BTF3L4: variants seen among roughly 807,000 people sequenced by gnomAD.
BTF3L4 encodes the protein transcription factor BTF3 homolog 4.
In BTF3L4, 6 loss-of-function variants were observed where a neutral mutation model predicts 16.8. The ratio of observed to expected loss-of-function variants is 0.36; its 90% CI spans 0.20 to 0.71. The LOEUF (loss-of-function observed/expected upper bound fraction) is 0.71, where lower values mean the gene tolerates loss of function less well. BTF3L4 is among the 30% of genes least tolerant of loss of function. The pLI, the probability that BTF3L4 is intolerant of heterozygous loss-of-function variation, is 0.58. For missense variants in BTF3L4, 92 were observed against 186.9 expected (o/e 0.49, Z 2.96); for synonymous variants, 39 against 59.8 (o/e 0.65, Z 1.60).
intron 2 of BTF3L4, 30 bp downstream of exon 2, chr1:52,059,931 A>T: frequency 6.3e-7 from 1 of 1,586,416 alleles, no homozygotes; most frequent in Non-Finnish European, 8.6e-7. Context: ...AATTGATAGG[A>T]GAATGTATGA....
intron 3 of BTF3L4, among the ~76,000 whole-genome samples, chr1:52,075,821 A>G (rs1329861442): frequency 1.3e-5 from 2 of 151,614 alleles, no homozygotes; most frequent in Non-Finnish European, 2.9e-5. Context: ...GCGCCACCAC[A>G]CCCAGCTAAT....
chr1:52,057,759 T>C (rs781330531), intron 1 of BTF3L4, among the ~76,000 whole-genome samples: 10 of 152,320 alleles, frequency 6.6e-5, no homozygotes, highest in Non-Finnish European at 1.0e-4. Context: ...TGCCTTGAGC[T>C]CTCAGTCTCC....
At chr1:52,086,644 G>C in intron 5 of BTF3L4, 68 bp from the exon 6 acceptor site, 2 of 954,584 alleles carry the variant, frequency 2.1e-6, no homozygotes, top group Non-Finnish European at 3.2e-6. Flanking sequence ...TTAGAAGTTA[G>C]GAGTTCCATT....
chr1:52,074,013 G>A (rs1686866634), intron 3 of BTF3L4, among the ~76,000 whole-genome samples: 1 of 151,626 alleles, frequency 6.6e-6, no homozygotes, highest in Non-Finnish European at 1.5e-5. Context: ...AGAAAAAAAT[G>A]TAATTCGCTG....
chr1:52,067,841 C>G (rs1430685397), intron 3 of BTF3L4, among the ~76,000 whole-genome samples: 1 of 152,170 alleles, frequency 6.6e-6, no homozygotes, highest in African/African-American at 2.4e-5. Context: ...CTGTGCATTA[C>G]AGGATATTTA....
chr1:52,080,836 C>CTTTT (rs34697464), intron 3 of BTF3L4, among the ~76,000 whole-genome samples: 10 of 83,586 alleles, frequency 1.2e-4, no homozygotes, highest in African/African-American at 1.8e-4. Flanking sequence ...GCTCGGCCTT[C>CTTTT]TTTTTTTTTT....
rs756995696 is a variant in BTF3L4 at position 52,059,947 on chromosome 1, A to T, written c.54+46A>T. ...ATTGATAGGAGAATGTATGATTACC[A>T]GATAGTGTTATTATTTCGGATTTGT... On this transcript the variant is annotated intron_variant, in intron 2 of 5. Transcript: ENST00000313334. 3 of 1,531,712 alleles carry T rather than the reference A, an allele frequency of 2.0e-6. 1 individual carries two copies. The South Asian group carries it at 3.5e-5, about 18-fold the overall frequency. The allele number at this position is 1,531,712 out of a possible 1,614,324, so 94.9% of individuals were successfully genotyped here. A position where few individuals can be genotyped will look rare whatever the true frequency, so the allele number is the denominator to read the frequency against.
At position 52,086,152 on chromosome 1, in the gene BTF3L4, G is replaced by A. The variant is rs1643971552; in HGVS notation, c.411G>A (p.Glu137=). 6.2e-7 allele frequency: 1 copy of A among 1,610,878 alleles called. No homozygotes were observed. The highest frequency in any genetic ancestry group is 1.7e-5 in the Admixed American group (1 of 59,536). ...CACCAAAACCAGAAGACATTGATGAGGAAGATGATGATGTTCCAGGTAAGT... is the reference window on the plus strand; with the variant it reads ...CACCAAAACCAGAAGACATTGATGAAGAAGATGATGATGTTCCAGGTAAGT... ...SKAPKPEDID[E]EDDDVPDLVE... Residue 137 remains glutamate (E), a synonymous_variant, in exon 5 of 6, where the codon GAG becomes GAA. Coordinates refer to ENST00000313334, the MANE Select transcript of BTF3L4 (RefSeq NM_152265.5).
At chr1:52,065,810 G>A (rs1048868741) in intron 3 of BTF3L4, among the ~76,000 whole-genome samples, 3 of 152,068 alleles carry the variant, frequency 2.0e-5, no homozygotes, top group African/African-American at 7.2e-5. Context: ...GGCCTAGGCA[G>A]GCAGATCATC....
At chr1:52,079,381 C>CA (rs11441352) in intron 3 of BTF3L4, among the ~76,000 whole-genome samples, 110,377 of 126,260 alleles carry the variant, frequency 0.87, 48,738 homozygotes, top group Non-Finnish European at 0.95. Flanking sequence ...GACTCCATCT[C>CA]AAAAAAAAAA....
intron 2 of BTF3L4, chr1:52,060,777 C>T (rs908608758): frequency 1.6e-5 from 4 of 246,104 alleles, no homozygotes; most frequent in Non-Finnish European, 2.7e-5. Context: ...GTACTTTCTC[C>T]TTCTCCCACA....
At chr1:52,079,565 G>A (rs190685735) in intron 3 of BTF3L4, among the ~76,000 whole-genome samples, 88 of 152,096 alleles carry the variant, frequency 5.8e-4, no homozygotes, top group African/African-American at 1.8e-3. Flanking sequence ...AATCTGAGAT[G>A]GAATTCATCT....
chr1:52,079,910 C>G (rs544767623), intron 3 of BTF3L4, among the ~76,000 whole-genome samples: 2 of 146,382 alleles, frequency 1.4e-5, no homozygotes, highest in Non-Finnish European at 3.0e-5. Flanking sequence ...CTCGCTCTGT[C>G]GCCCAGGCTA....
intron 1 of BTF3L4, among the ~76,000 whole-genome samples, chr1:52,058,593 T>TC (rs931370757): frequency 2.0e-5 from 3 of 152,140 alleles, no homozygotes; most frequent in African/African-American, 7.2e-5. Context: ...AAAACAAGAC[T>TC]TTTAATTTGG....
chr1:52,077,263 TG>T (rs1686956784), intron 3 of BTF3L4, among the ~76,000 whole-genome samples: 1 of 152,238 alleles, frequency 6.6e-6, no homozygotes, highest in Non-Finnish European at 1.5e-5. Flanking sequence ...AACTGCTGGC[TG>T]GGCGCGGTAG....
In BTF3L4 at chr1:52,077,772, T is replaced by C. The variant is rs184287312; in HGVS notation, c.169-5568T>C. On this transcript the variant is annotated intron_variant, in intron 3 of 5. Coordinates refer to ENST00000313334, the MANE Select transcript of BTF3L4 (RefSeq NM_152265.5). ...GCATCAAATTTACCAGGTAGGAGGC[T>C]ACTATGACTAACTTACATACCCTAT... is the stretch of plus-strand genomic sequence containing the variant. 4.4e-3 allele frequency among the ~76,000 whole-genome samples: 673 copies of C among 152,288 alleles called. 1 individual carries two copies. Among genetic ancestry groups the C allele is most frequent in the Middle Eastern group, 0.01 (3 of 294 alleles).
At chr1:52,077,267 C>T (rs950518502) in intron 3 of BTF3L4, among the ~76,000 whole-genome samples, 3 of 152,210 alleles carry the variant, frequency 2.0e-5, no homozygotes, top group African/African-American at 4.8e-5. Flanking sequence ...GCTGGCTGGG[C>T]GCGGTAGCTC....
At position 52,079,835 on chromosome 1, in the gene BTF3L4, C is replaced by T. The variant is rs577621136; in HGVS notation, c.169-3505C>T. ...GAAATAAATCATTCTCTGACAAGCTCTCATGAGGCCATGGAATTTTCTTTT... is the reference window on the plus strand; with the variant it reads ...GAAATAAATCATTCTCTGACAAGCTTTCATGAGGCCATGGAATTTTCTTTT... On this transcript the variant is annotated intron_variant, in intron 3 of 5. Transcript: ENST00000313334. 5.3e-5 allele frequency among the ~76,000 whole-genome samples: 8 copies of T among 149,932 alleles called. No homozygotes were observed. The South Asian group carries it at 1.7e-3, about 32-fold the overall frequency.
intron 5 of BTF3L4, chr1:52,086,410 T>A: frequency 2.0e-6 from 1 of 488,958 alleles, no homozygotes; most frequent in Non-Finnish European, 3.6e-6. Context: ...ACTGTGATTA[T>A]AAATTTGCAT....
Sources: allele counts gnomAD v4.1 joint callset (sites outside exome capture counted in the v4.1 genomes callset), GRCh38; gene constraint gnomAD v4.1.1; transcripts MANE v1.5; gene names NCBI Gene and HGNC (gene_info 2026-07-23, HGNC 2026-07-21).